C6: variants seen among roughly 807,000 people sequenced by gnomAD.
C6 encodes the protein complement component C6.
C6 carries 101 observed loss-of-function variants against 112.9 expected under a neutral mutation model. That is an observed-to-expected ratio of 0.89 (90% confidence interval 0.76 to 1.06). C6 has a LOEUF of 1.06. C6 is among the 50% of genes least tolerant of loss of function. C6 has a pLI of 0.00. For missense variants in C6, 1,202 were observed against 1,104.6 expected (o/e 1.09, Z -1.25); for synonymous variants, 431 against 384.1 (o/e 1.12, Z -1.43).
intron 15 of C6, 105 bp downstream of exon 15, chr5:41,153,705 T>C: frequency 1.1e-6 from 1 of 877,752 alleles, no homozygotes; most frequent in Non-Finnish European, 1.9e-6. Context: ...CTTGCATCTT[T>C]TTTAGCCTCT....
chr5:41,249,224 G>A (rs899722255), intron 1 of C6, among the ~76,000 whole-genome samples: 1 of 152,004 alleles, frequency 6.6e-6, no homozygotes, highest in Admixed American at 6.6e-5. Context: ...ACTTGGGTGA[G>A]GGGATCAATG....
At position 41,229,798 on chromosome 5, in the gene C6, T is replaced by G. The variant is rs538023195; in HGVS notation, c.-20-26548A>C. 6.8e-4 allele frequency among the ~76,000 whole-genome samples: 103 copies of G among 152,306 alleles called. 2 individuals carry two copies. The highest frequency in any genetic ancestry group is 2.3e-3 in the South Asian group (11 of 4,830). ...GTATTAAAGTTCAATACTATTGTTT[T>G]ATTGCAGTTTATTCTTTCAGTTCTG... On this transcript the variant is annotated intron_variant, in intron 1 of 17. Coordinates refer to the C6 transcript ENST00000263413.
Position 41,143,009 on chromosome 5 carries a change from G to A in C6, c.2624-3C>T, listed in dbSNP as rs769988993. On this transcript the variant is annotated splice_polypyrimidine_tract_variant and splice_region_variant and intron_variant, in intron 17 of 17. Coordinates refer to ENST00000337836, the MANE Select transcript of C6 (RefSeq NM_000065.5). Reference sequence around the variant, plus strand: ...GCAGACACATTTGGAAGTGGAGGCTGTAATGAGAGAGAGAGAGACAGTGTG... The same window carrying A: ...GCAGACACATTTGGAAGTGGAGGCTATAATGAGAGAGAGAGAGACAGTGTG... The A allele has an allele frequency of 3.1e-6, 5 of 1,612,686 alleles. No individual in the cohort carries two copies. Among genetic ancestry groups the A allele is most frequent in the Admixed American group, 1.7e-5 (1 of 59,858 alleles).
chr5:41,222,828 T>C (rs1478228391), intron 1 of C6, among the ~76,000 whole-genome samples: 3 of 152,176 alleles, frequency 2.0e-5, no homozygotes, highest in African/African-American at 4.8e-5. Flanking sequence ...TCTTTTCTCT[T>C]GTATTGAAAG....
In C6 at chr5:41,159,321, A is replaced by C. The variant is rs1044955163; in HGVS notation, c.1685-68T>G. The C allele has an allele frequency of 8.9e-6, 14 of 1,566,202 alleles. No individual in the cohort carries two copies. In the African/African-American group the frequency reaches 1.5e-4, roughly 17 times the overall value. ...TGAATTTGGGTTTGGAAGTGAGGCC[A>C]ACCTGGTTTCCTCACTTTTTAGCTC... On this transcript the variant is annotated intron_variant, in intron 11 of 17. Coordinates refer to ENST00000337836, the MANE Select transcript of C6 (RefSeq NM_000065.5).
intron 5 of C6, among the ~76,000 whole-genome samples, chr5:41,188,543 G>A (rs2150339575): frequency 6.6e-6 from 1 of 152,112 alleles, no homozygotes; most frequent in South Asian, 2.1e-4. Context: ...TAAATGAATG[G>A]TGCTGTAATG....
At chr5:41,223,543 G>C (rs567234309) in intron 1 of C6, among the ~76,000 whole-genome samples, 1 of 152,200 alleles carries the variant, frequency 6.6e-6, no homozygotes, top group South Asian at 2.1e-4. Flanking sequence ...ATGTTTAATT[G>C]GTCTTTTGTG....
At chr5:41,249,377 AAAT>A (rs1000090327) in intron 1 of C6, among the ~76,000 whole-genome samples, 6 of 152,234 alleles carry the variant, frequency 3.9e-5, no homozygotes. Flanking sequence ...CCAATAGTTA[AAAT>A]AATAACAATT....
At chr5:41,172,900 T>C (rs566044488) in intron 8 of C6, among the ~76,000 whole-genome samples, 4 of 152,288 alleles carry the variant, frequency 2.6e-5, no homozygotes, top group African/African-American at 9.6e-5. Context: ...CTCATTCTCA[T>C]ACCTCTCTGG....
intron 8 of C6, among the ~76,000 whole-genome samples, chr5:41,174,722 A>T (rs1748698738): frequency 6.6e-6 from 1 of 152,192 alleles, no homozygotes. Context: ...GAAATATTCA[A>T]GTCATTTTTC....
At chr5:41,204,170 C>T (rs761772738) in intron 1 of C6, among the ~76,000 whole-genome samples, 1 of 152,152 alleles carries the variant, frequency 6.6e-6, no homozygotes, top group Non-Finnish European at 1.5e-5. Flanking sequence ...ATAGTAGTAA[C>T]TTTTACTTTA....
intron 1 of C6, among the ~76,000 whole-genome samples, chr5:41,210,254 C>A (rs1241757981): frequency 2.0e-5 from 3 of 152,122 alleles, no homozygotes; most frequent in Non-Finnish European, 4.4e-5. Flanking sequence ...GACCTAAAAC[C>A]ATAAAAACCC....
intron 3 of C6, among the ~76,000 whole-genome samples, chr5:41,201,280 C>T (rs1045742984): frequency 2.0e-5 from 3 of 152,080 alleles, no homozygotes; most frequent in Non-Finnish European, 4.4e-5. Flanking sequence ...TTTCAGAATT[C>T]TCAGAAGGCA....
At chr5:41,247,473 T>C (rs995245530) in intron 1 of C6, among the ~76,000 whole-genome samples, 1 of 152,038 alleles carries the variant, frequency 6.6e-6, no homozygotes, top group African/African-American at 2.4e-5. Context: ...TATTTAGAAA[T>C]ATACCTAACC....
intron 1 of C6, among the ~76,000 whole-genome samples, chr5:41,240,137 G>GT (rs1474806336): frequency 6.6e-6 from 1 of 152,100 alleles, no homozygotes; most frequent in Non-Finnish European, 1.5e-5. Context: ...GCTTGAAAAG[G>GT]TTTTTAGCTA....
intron 9 of C6, among the ~76,000 whole-genome samples, chr5:41,167,347 TACA>T (rs1383323117): frequency 6.6e-6 from 1 of 152,128 alleles, no homozygotes; most frequent in African/African-American, 2.4e-5. Context: ...TCACAGAATT[TACA>T]ACATCAACCA....
intron 1 of C6, among the ~76,000 whole-genome samples, chr5:41,241,632 C>G (rs1023597610): frequency 5.3e-5 from 8 of 152,122 alleles, no homozygotes; most frequent in Non-Finnish European, 1.2e-4. Context: ...ATAAAGCCTA[C>G]TTGTGGTTTC....
chr5:41,249,717 T>C (rs771216405), intron 1 of C6, among the ~76,000 whole-genome samples: 41 of 152,292 alleles, frequency 2.7e-4, no homozygotes, highest in East Asian at 1.2e-3. Context: ...GGGTAAAAAG[T>C]GTATTTTATC....
intron 6 of C6, among the ~76,000 whole-genome samples, chr5:41,183,111 A>G (rs1749481755): frequency 6.6e-6 from 1 of 152,168 alleles, no homozygotes; most frequent in South Asian, 2.1e-4. Context: ...ATATATTCCT[A>G]CCATGGCTGA....
Sources: gnomAD v4.1 joint callset for allele counts (sites outside exome capture counted in the v4.1 genomes callset) on GRCh38, gnomAD v4.1.1 for gene constraint, MANE v1.5 for transcripts, NCBI Gene and HGNC (gene_info 2026-07-23, HGNC 2026-07-21) for gene names.